Variants in MBNL2 observed in about 807,000 individuals in gnomAD.
MBNL2 encodes muscleblind like splicing regulator 2.
A neutral mutation model predicts 41.9 loss-of-function variants in MBNL2; 17 were observed. That is an observed-to-expected ratio of 0.41 (90% CI 0.28 to 0.61). The LOEUF (loss-of-function observed/expected upper bound fraction) is 0.61. Ranked by LOEUF, MBNL2 falls within the 20% of genes least tolerant of loss-of-function variation. The pLI is 0.35. For synonymous variants in MBNL2, 195 were observed against 182.9 expected (o/e 1.07, Z -0.53); for missense variants, 336 against 505.6 (o/e 0.66, Z 3.22).
the MBNL2 span, among the ~76,000 whole-genome samples, chr13:97,206,660 T>C: frequency 1.6e-4 from 25 of 152,128 alleles, no homozygotes; most frequent in Non-Finnish European, 3.1e-4. Context: ...ATGCTAATAG[T>C]GAGAGAGATA....
the MBNL2 span, among the ~76,000 whole-genome samples, chr13:97,163,230 G>T: frequency 6.6e-6 from 1 of 152,036 alleles, no homozygotes. Context: ...TTTTCTCCAG[G>T]CTATAATATT....
chr13:97,343,129 C>A lies in MBNL2; in HGVS notation c.453C>A (p.Thr151=). 6.2e-7 allele frequency: 1 copy of A among 1,614,058 alleles called. No individual in the cohort carries two copies. Among genetic ancestry groups the A allele is most frequent in the South Asian group, 1.1e-5 (1 of 91,078 alleles). The change falls in exon 4 of 9, where the codon ACC becomes ACA. Residue 151 remains threonine, a synonymous_variant. Coordinates refer to ENST00000679496, the MANE Select transcript of MBNL2 (RefSeq NM_001382683.1). The part of the protein sequence containing the change: ...VGLVPTEILP[T]TPVIVPGSPP... ...TGGTCCCAACGGAAATTCTGCCCAC[C>A]ACGCCTGTTATTGTTCCCGGAAGTC...
At chr13:97,204,745 T>C in the MBNL2 span, among the ~76,000 whole-genome samples, 1 of 152,120 alleles carries the variant, frequency 6.6e-6, no homozygotes, top group Admixed American at 6.5e-5. Flanking sequence ...TGGAACTCCC[T>C]TCAGTGCTGG....
intron 2 of MBNL2, among the ~76,000 whole-genome samples, chr13:97,296,278 G>T (rs2056996664): frequency 6.6e-6 from 1 of 152,096 alleles, no homozygotes; most frequent in Non-Finnish European, 1.5e-5. Flanking sequence ...CAAGACATTT[G>T]TACAACAATA....
the MBNL2 span, among the ~76,000 whole-genome samples, chr13:97,204,343 G>A: frequency 1.3e-5 from 2 of 152,226 alleles, no homozygotes; most frequent in African/African-American, 4.8e-5. Context: ...CTTGAATTTA[G>A]TGCCTTGGTC....
At chr13:97,190,611 G>A in the MBNL2 span, among the ~76,000 whole-genome samples, 3 of 152,170 alleles carry the variant, frequency 2.0e-5, no homozygotes, top group African/African-American at 7.2e-5. Flanking sequence ...ATGATCCCAA[G>A]CCAGTCATTT....
chr13:97,239,633 C>A (rs917198622), intron 1 of MBNL2, among the ~76,000 whole-genome samples: 1 of 152,158 alleles, frequency 6.6e-6, no homozygotes, highest in Admixed American at 6.5e-5. Context: ...GATCTTTTTT[C>A]ATTTAAACTT....
the MBNL2 span, among the ~76,000 whole-genome samples, chr13:97,199,587 C>T: frequency 6.6e-6 from 1 of 152,166 alleles, no homozygotes; most frequent in Admixed American, 6.6e-5. Flanking sequence ...TTAAAAAATG[C>T]TGTGGGTATG....
rs2061847800 is a variant in MBNL2, at chr13:97,346,267, GGATGGATA to G, written c.541-529_541-522del. The stretch of plus-strand genomic sequence containing the variant: ...TAGATGGATGGATGGATGGATGGAT[GGATGGATA>G]GATGGATGGGTGGATGGATAGATAG... On this transcript the variant is annotated intron_variant, in intron 4 of 8. Transcript: ENST00000679496. The surrounding 1 kb of genome is among the most constrained non-coding windows in gnomAD (Gnocchi z 4.2). 6.8e-6 allele frequency among the ~76,000 whole-genome samples: 1 copy of G among 147,752 alleles called. No homozygotes were observed. Among genetic ancestry groups the G allele is most frequent in the Non-Finnish European group, 1.5e-5 (1 of 67,908 alleles).
chr13:97,171,390 C>A, the MBNL2 span, among the ~76,000 whole-genome samples: 1 of 152,114 alleles, frequency 6.6e-6, no homozygotes, highest in Admixed American at 6.6e-5. Flanking sequence ...TCTTTGCTGG[C>A]AACTACTATA....
At chr13:97,265,652 TG>T (rs1227365740) in intron 1 of MBNL2, among the ~76,000 whole-genome samples, 6 of 152,172 alleles carry the variant, frequency 3.9e-5, no homozygotes, top group Non-Finnish European at 7.3e-5. Context: ...CTGTCATTTT[TG>T]TGTGTGCGTG....
chr13:97,272,959 G>A (rs1259223562), intron 1 of MBNL2, among the ~76,000 whole-genome samples: 2 of 152,100 alleles, frequency 1.3e-5, no homozygotes, highest in East Asian at 1.9e-4. Flanking sequence ...TCTTCCAGGG[G>A]GAATGAAAAA....
At chr13:97,231,678 G>T (rs1015509272) in intron 1 of MBNL2, among the ~76,000 whole-genome samples, 1 of 152,148 alleles carries the variant, frequency 6.6e-6, no homozygotes, top group Non-Finnish European at 1.5e-5. Context: ...GCCTGTCTCT[G>T]GCTATCTCCC....
the MBNL2 span, among the ~76,000 whole-genome samples, chr13:97,183,918 A>G: frequency 6.6e-6 from 1 of 152,216 alleles, no homozygotes; most frequent in Non-Finnish European, 1.5e-5. Flanking sequence ...TGGATATGAA[A>G]CCAAATCCCC....
At chr13:97,338,790 G>A (rs2061116836) in intron 3 of MBNL2, among the ~76,000 whole-genome samples, 1 of 152,214 alleles carries the variant, frequency 6.6e-6, no homozygotes, top group Admixed American at 6.5e-5. Flanking sequence ...GTAGAGGGAG[G>A]AGGCTTAGGA....
At chr13:97,241,305 T>C (rs950161445) in intron 1 of MBNL2, among the ~76,000 whole-genome samples, 4 of 151,996 alleles carry the variant, frequency 2.6e-5, no homozygotes, top group Admixed American at 2.0e-4. Flanking sequence ...GTCATAAGAT[T>C]TGGGTCACAC....
the MBNL2 span, among the ~76,000 whole-genome samples, chr13:97,181,840 A>G: frequency 1.3e-5 from 2 of 152,188 alleles, no homozygotes; most frequent in Non-Finnish European, 2.9e-5. Context: ...GTTATGTCCA[A>G]TGAGCTACTT....
intron 1 of MBNL2, among the ~76,000 whole-genome samples, chr13:97,236,981 G>C (rs1041002903): frequency 2.6e-5 from 4 of 152,108 alleles, no homozygotes; most frequent in Non-Finnish European, 4.4e-5. Flanking sequence ...AGAGTGTGGG[G>C]ACAGCAGATG....
upstream of MBNL2, among the ~76,000 whole-genome samples, chr13:97,218,685 C>T (rs906926013): frequency 6.6e-6 from 1 of 151,314 alleles, no homozygotes; most frequent in African/African-American, 2.4e-5. Context: ...AAAAATTAAG[C>T]TTCTATCCAG....
Sources: gnomAD v4.1 joint callset for allele counts (sites outside exome capture counted in the v4.1 genomes callset) on GRCh38, gnomAD v4.1.1 for gene constraint, Gnocchi (gnomAD v3.1) non-coding constraint, MANE v1.5 for transcripts, NCBI Gene and HGNC (gene_info 2026-07-23, HGNC 2026-07-21) for gene names.